The following KCNB2 variants were observed in gnomAD, a reference collection of about 807,000 sequenced individuals.
KCNB2 encodes delayed rectifier potassium channel protein.
Under a neutral mutation model 61.5 loss-of-function variants are expected in KCNB2, and 15 were observed. The ratio of observed to expected loss-of-function variants is 0.24; its 90% CI spans 0.16 to 0.38. The LOEUF (loss-of-function observed/expected upper bound fraction) is 0.38, where lower values mean the gene tolerates loss of function less well. Ranked by LOEUF, KCNB2 falls within the 10% of genes least tolerant of loss-of-function variation. The pLI, the probability that KCNB2 is intolerant of heterozygous loss-of-function variation, is 1.00. For synonymous variants in KCNB2, 457 were observed against 446.0 expected, an observed-to-expected ratio of 1.02 and a Z score of -0.31; for missense variants, 828 against 1,125.2, an observed-to-expected ratio of 0.74 and a Z score of 3.78.
At chr8:72,600,362 A>G (rs1807275739) in intron 2 of KCNB2, among the ~76,000 whole-genome samples, 1 of 152,146 alleles carries the variant, frequency 6.6e-6, no homozygotes, top group East Asian at 1.9e-4. Context: ...CAAACACTGC[A>G]TGTTCTCACT....
chr8:72,602,451 C>A (rs1047640133), intron 2 of KCNB2, among the ~76,000 whole-genome samples: 3 of 152,196 alleles, frequency 2.0e-5, no homozygotes, highest in African/African-American at 7.2e-5. Context: ...TAGTTTCTAT[C>A]ATTCTTATCA....
chr8:72,698,697 A>G (rs1012217967), intron 2 of KCNB2, among the ~76,000 whole-genome samples: 3 of 152,202 alleles, frequency 2.0e-5, no homozygotes, highest in Non-Finnish European at 4.4e-5. Context: ...TAGAGAACTC[A>G]GAAATAAAGC....
At chr8:72,807,437 T>C (rs888428446) in intron 2 of KCNB2, among the ~76,000 whole-genome samples, 1 of 152,210 alleles carries the variant, frequency 6.6e-6, no homozygotes, top group Non-Finnish European at 1.5e-5. Context: ...CCTGCTAATA[T>C]AGATCTTGTT....
intron 2 of KCNB2, among the ~76,000 whole-genome samples, chr8:72,869,947 C>G (rs1317642582): frequency 6.6e-6 from 1 of 152,092 alleles, no homozygotes; most frequent in East Asian, 1.9e-4. Flanking sequence ...ACCTAAATGT[C>G]CAGCAGCAGA....
At chr8:72,617,543 C>T (rs550286097) in intron 2 of KCNB2, among the ~76,000 whole-genome samples, 1 of 149,642 alleles carries the variant, frequency 6.7e-6, no homozygotes, top group African/African-American at 2.5e-5. Flanking sequence ...ACTTATTCAA[C>T]GTGGAGCAGA....
intron 2 of KCNB2, among the ~76,000 whole-genome samples, chr8:72,741,404 C>A (rs879648832): frequency 1.3e-5 from 2 of 152,082 alleles, no homozygotes; most frequent in Non-Finnish European, 2.9e-5. Flanking sequence ...CTTATCTGTG[C>A]ATATATTTCT....
At chr8:72,914,517 A>G (rs779178291) in intron 2 of KCNB2, among the ~76,000 whole-genome samples, 2 of 152,150 alleles carry the variant, frequency 1.3e-5, no homozygotes, top group Admixed American at 6.5e-5. Context: ...TTTGAATGCA[A>G]TAGTTTATGT....
chr8:72,920,384 C>T (rs1806486003), intron 2 of KCNB2, among the ~76,000 whole-genome samples: 1 of 149,132 alleles, frequency 6.7e-6, no homozygotes, highest in Admixed American at 6.7e-5. Flanking sequence ...TTTGGGAGGT[C>T]AAGGCAGGCA....
chr8:72,685,021 C>A (rs1806827026), intron 2 of KCNB2, among the ~76,000 whole-genome samples: 1 of 152,154 alleles, frequency 6.6e-6, no homozygotes, highest in Admixed American at 6.5e-5. Context: ...ATTATAATTT[C>A]ACTAAGGCAA....
chr8:72,713,480 GGCA>G (rs1231065719), intron 2 of KCNB2, among the ~76,000 whole-genome samples: 2 of 152,152 alleles, frequency 1.3e-5, no homozygotes, highest in African/African-American at 4.8e-5. Context: ...GAAACGATCA[GGCA>G]GCAGCATTTG....
chr8:72,725,396 A>C (rs1807615926), intron 2 of KCNB2, among the ~76,000 whole-genome samples: 1 of 151,470 alleles, frequency 6.6e-6, no homozygotes, highest in Non-Finnish European at 1.5e-5. Context: ...TCAATCTAGC[A>C]AATTTTCAAA....
In KCNB2 at chr8:72,724,676, T is replaced by A. The variant is rs144823268; in HGVS notation, c.579+156363T>A. On this transcript the variant is annotated intron_variant, in intron 2 of 2. Coordinates refer to ENST00000523207, the MANE Select transcript of KCNB2 (RefSeq NM_004770.3). ...GAATACTGCATCAACATACTTATAC[T>A]AAAAAATTATTAGTTGTATATCTGA... Among the ~76,000 whole-genome samples the A allele has an allele frequency of 2.9e-4, 44 of 152,288 alleles. No homozygotes were observed. The East Asian group carries it at 8.1e-3, about 28-fold the overall frequency.
chr8:72,651,525 T>C (rs1287189995), intron 2 of KCNB2, among the ~76,000 whole-genome samples: 8 of 152,144 alleles, frequency 5.3e-5, no homozygotes, highest in Admixed American at 5.2e-4. Flanking sequence ...AGAGACTTTT[T>C]GCCCCCCAAA....
At chr8:72,835,672 T>C (rs1809769384) in intron 2 of KCNB2, among the ~76,000 whole-genome samples, 1 of 152,228 alleles carries the variant, frequency 6.6e-6, no homozygotes, top group Non-Finnish European at 1.5e-5. Context: ...AAATCACATA[T>C]GGCACAAGTT....
chr8:72,606,318 A>T (rs972690445), intron 2 of KCNB2, among the ~76,000 whole-genome samples: 1 of 152,218 alleles, frequency 6.6e-6, no homozygotes, highest in African/African-American at 2.4e-5. Flanking sequence ...GTACACTTTG[A>T]TGAATATTTA....
rs186011612 is a variant in KCNB2 at position 72,681,673 on chromosome 8, A to G, written c.579+113360A>G. Among the ~76,000 whole-genome samples the G allele has an allele frequency of 3.3e-5, 5 of 152,354 alleles. No homozygotes were observed. The South Asian group carries it at 8.3e-4, about 25-fold the overall frequency. On this transcript the variant is annotated intron_variant, in intron 2 of 2. Transcript: ENST00000523207. ...GTAACATAGTCATTTAATATAAAGT[A>G]TTATGTACTATACAGAATTGTATGT...
At chr8:72,538,171 C>G (rs1224620053) in intron 1 of KCNB2, among the ~76,000 whole-genome samples, 2 of 152,052 alleles carry the variant, frequency 1.3e-5, no homozygotes, top group African/African-American at 4.8e-5. Flanking sequence ...TGCCTTCCGT[C>G]CATTTGTTGG....
chr8:72,594,444 T>G (rs1807154721), intron 2 of KCNB2, among the ~76,000 whole-genome samples: 1 of 152,168 alleles, frequency 6.6e-6, no homozygotes, highest in Non-Finnish European at 1.5e-5. Context: ...ATGAATAGTC[T>G]TGGAGATTTG....
At chr8:72,823,833 G>A (rs1809552224) in intron 2 of KCNB2, among the ~76,000 whole-genome samples, 1 of 152,136 alleles carries the variant, frequency 6.6e-6, no homozygotes, top group African/African-American at 2.4e-5. Flanking sequence ...GCTGAGAGCA[G>A]ACCAAAGCCC....
Sources: gnomAD v4.1 joint callset for allele counts (sites outside exome capture counted in the v4.1 genomes callset) on GRCh38, gnomAD v4.1.1 for gene constraint, MANE v1.5 for transcripts, NCBI Gene and HGNC (gene_info 2026-07-23, HGNC 2026-07-21) for gene names.